ADCK1: variants seen among roughly 807,000 people sequenced by gnomAD.
The protein encoded by ADCK1 is aarF domain-containing protein kinase 1.
A neutral mutation model predicts 52.3 loss-of-function variants in ADCK1; 41 were observed. The ratio of observed to expected loss-of-function variants is 0.78; its 90% CI spans 0.61 to 1.02. The LOEUF (loss-of-function observed/expected upper bound fraction) is 1.02. ADCK1 is among the 50% of genes least tolerant of loss of function. The probability of loss-of-function intolerance (pLI) is 0.00; values close to 1 mark genes in which losing one functional copy is unlikely to be tolerated. For synonymous variants in ADCK1, 250 were observed against 274.6 expected (o/e 0.91, Z 0.89); for missense variants, 658 against 679.5 (o/e 0.97, Z 0.35).
intron 4 of ADCK1, among the ~76,000 whole-genome samples, chr14:77,864,211 T>G (rs2082614412): frequency 6.6e-6 from 1 of 152,192 alleles, no homozygotes; most frequent in Admixed American, 6.5e-5. Flanking sequence ...GGTACCGTTG[T>G]GCAACGGGTA....
chr14:77,856,237 A>G (rs2082414917), intron 3 of ADCK1, among the ~76,000 whole-genome samples: 1 of 152,190 alleles, frequency 6.6e-6, no homozygotes, highest in African/African-American at 2.4e-5. Context: ...GGAAATACAG[A>G]AAAACTTATA....
intron 4 of ADCK1, among the ~76,000 whole-genome samples, chr14:77,885,772 CAT>C (rs1315588027): frequency 6.6e-6 from 1 of 152,146 alleles, no homozygotes; most frequent in South Asian, 2.1e-4. Context: ...TGTGTGTGCA[CAT>C]GTCTGGACTT....
In ADCK1 at chr14:77,824,732, C is replaced by G. The variant is rs993865383; in HGVS notation, c.219+2214C>G. 2.6e-5 allele frequency among the ~76,000 whole-genome samples: 4 copies of G among 152,166 alleles called. No homozygotes were observed. In the East Asian group the frequency reaches 7.7e-4, roughly 29 times the overall value. On this transcript the variant is annotated intron_variant, in intron 3 of 10. Transcript: ENST00000238561. ...TACAGGCGTGAGCCACCATGCCCAG[C>G]CCCAAAATGCCTTTTTACAGTTAGT...
Position 77,931,518 on chromosome 14 carries a change from G to T in ADCK1, c.1207G>T (p.Asp403Tyr), listed in dbSNP as rs1246587298. ...ISQAPVTATEDLEIRNNAANY... is the reference protein window; with the variant it reads ...ISQAPVTATEYLEIRNNAANY... ...TTCTGTTGCCCCATTGCTGCTTCAG[G>T]ACTTAGAGATTCGCAACAACGCGGC... Residue 403 changes from aspartate (D) to tyrosine (Y), a missense_variant and splice_region_variant, in exon 10 of 11, where the codon GAC (aspartate) becomes TAC (tyrosine). Asp to Tyr is a radical substitution (Grantham distance 160, BLOSUM62 -3). Transcript: ENST00000238561. The T allele has an allele frequency of 1.2e-6, 2 of 1,612,598 alleles. No individual in the cohort carries two copies. Among genetic ancestry groups the T allele is most frequent in the Non-Finnish European group, 1.7e-6 (2 of 1,179,010 alleles).
At chr14:77,907,692 C>G in intron 6 of ADCK1, 111 bp from the exon 7 acceptor site, 6 of 762,976 alleles carry the variant, frequency 7.9e-6, no homozygotes. Flanking sequence ...GGCCTCTTCT[C>G]CCTTGCTCTG....
chr14:77,919,076 G>T (rs1385984278), intron 7 of ADCK1, among the ~76,000 whole-genome samples: 1 of 152,112 alleles, frequency 6.6e-6, no homozygotes, highest in Non-Finnish European at 1.5e-5. Context: ...TTTTTGAGAT[G>T]GAGTTTCACT....
intron 9 of ADCK1, among the ~76,000 whole-genome samples, chr14:77,926,528 T>C (rs912768281): frequency 6.6e-6 from 1 of 152,172 alleles, no homozygotes; most frequent in Non-Finnish European, 1.5e-5. Context: ...TCGCCCAGGC[T>C]GGAGTGTAGT....
intron 1 of ADCK1, among the ~76,000 whole-genome samples, chr14:77,813,980 C>G (rs2081388359): frequency 6.6e-6 from 1 of 152,026 alleles, no homozygotes; most frequent in African/African-American, 2.4e-5. Flanking sequence ...GTTGGCAAGG[C>G]TGGTCTCAAA....
At chr14:77,827,236 C>T (rs1472796285) in intron 3 of ADCK1, among the ~76,000 whole-genome samples, 1 of 150,944 alleles carries the variant, frequency 6.6e-6, no homozygotes, top group Non-Finnish European at 1.5e-5. Flanking sequence ...CCTGTAGTCC[C>T]AGCTACTCGG....
intron 7 of ADCK1, 57 bp from the exon 8 acceptor site, chr14:77,924,400 G>A (rs2140293482): frequency 6.3e-7 from 1 of 1,593,754 alleles, no homozygotes; most frequent in Non-Finnish European, 8.6e-7. Flanking sequence ...CCAGACAGAG[G>A]TCCCTCGGAT....
intron 3 of ADCK1, among the ~76,000 whole-genome samples, chr14:77,823,246 G>A (rs1429782877): frequency 6.6e-6 from 1 of 152,034 alleles, no homozygotes; most frequent in Admixed American, 6.6e-5. Context: ...TCCAGAGAGA[G>A]GTTTGTGATA....
chr14:77,805,714 T>G (rs1217603490), intron 1 of ADCK1, among the ~76,000 whole-genome samples: 1 of 151,414 alleles, frequency 6.6e-6, no homozygotes, highest in Admixed American at 6.6e-5. Flanking sequence ...GTAGAACGAG[T>G]GAAGGGGAAA....
chr14:77,866,425 C>T (rs533564990), intron 4 of ADCK1, among the ~76,000 whole-genome samples: 7 of 152,264 alleles, frequency 4.6e-5, no homozygotes, highest in South Asian at 2.1e-4. Flanking sequence ...AGCCTCTTCC[C>T]GCTACTTTTA....
In ADCK1 at chr14:77,824,437, T is replaced by TTTC. The variant is rs1394220732; in HGVS notation, c.219+1921_219+1922insCTT. 4.1e-3 allele frequency among the ~76,000 whole-genome samples: 513 copies of TTTC among 126,184 alleles called. 6 individuals are homozygous for TTTC. The highest frequency in any genetic ancestry group is 0.015 in the African/African-American group (492 of 32,416). The allele number at this position is 126,184 out of a possible 152,430, so 82.8% of individuals were successfully genotyped here. ...TTTCCTTTCTTTCTTTCTTTCTTTC[T>TTTC]TTTTTTTTTTTTTTGAGATGGAGTC... On this transcript the variant is annotated intron_variant, in intron 3 of 10. Coordinates refer to ENST00000238561, the MANE Select transcript of ADCK1 (RefSeq NM_020421.4).
rs773670051 is a variant in ADCK1, at chr14:77,923,427, GCAGGAGGCAGGGCCTGGT to G, written c.859-1025_859-1008del. The G allele has an allele frequency of 8.5e-5, 13 of 152,338 alleles. No individual in the cohort carries two copies. Among genetic ancestry groups the G allele is most frequent in the Non-Finnish European group, 1.5e-4 (10 of 68,116 alleles). The allele number at this position is 152,338 out of a possible 1,614,324, so 9.4% of individuals were successfully genotyped here. On this transcript the variant is annotated intron_variant, in intron 7 of 10. Transcript: ENST00000238561. The surrounding 1 kb of genome is among the most constrained non-coding windows in gnomAD (Gnocchi z 4.3). ...TCAGTGTGGTGTGAGATGAGACCAGGCAGGAGGCAGGGCCTGGTCAGGTAGGACTTTGTAGGCTGGGGG... is the reference window on the plus strand; with the variant it reads ...TCAGTGTGGTGTGAGATGAGACCAGGCAGGTAGGACTTTGTAGGCTGGGGG...
intron 5 of ADCK1, among the ~76,000 whole-genome samples, chr14:77,893,556 G>A (rs867825399): frequency 6.6e-6 from 1 of 151,990 alleles, no homozygotes; most frequent in African/African-American, 2.4e-5. Context: ...CAAGGTGCTC[G>A]GCTATGTTGG....
chr14:77,908,031 T>C (rs578102256), intron 7 of ADCK1, 112 bp downstream of exon 7: 12 of 792,036 alleles, frequency 1.5e-5, no homozygotes, highest in Admixed American at 2.3e-5. Context: ...CCCTTGTCTT[T>C]AATAGGGCCC....
At chr14:77,907,292 C>T (rs938929171) in intron 6 of ADCK1, among the ~76,000 whole-genome samples, 1 of 152,092 alleles carries the variant, frequency 6.6e-6, no homozygotes, top group African/African-American at 2.4e-5. Flanking sequence ...TGTTGTCTGC[C>T]CCAGGAAACG....
chr14:77,821,649 G>T (rs1594875954), intron 2 of ADCK1, among the ~76,000 whole-genome samples: 1 of 152,228 alleles, frequency 6.6e-6, no homozygotes, highest in South Asian at 2.1e-4. Flanking sequence ...GGGAGGCTGA[G>T]GTGGAAGGAT....
Sources: allele counts gnomAD v4.1 joint callset (sites outside exome capture counted in the v4.1 genomes callset), GRCh38; gene constraint gnomAD v4.1.1; non-coding constraint Gnocchi (gnomAD v3.1); transcripts MANE v1.5; gene names NCBI Gene and HGNC (gene_info 2026-07-23, HGNC 2026-07-21).